The following LASP1 variants were observed in gnomAD, a reference collection of about 807,000 sequenced individuals.
LASP1 encodes the protein LIM and SH3 domain protein 1.
LASP1 carries 10 observed loss-of-function variants against 38.6 expected under a neutral mutation model. The observed-to-expected ratio is 0.26, with a 90% CI of 0.16 to 0.44. The LOEUF (loss-of-function observed/expected upper bound fraction) is 0.44, where lower values mean the gene tolerates loss of function less well. Among genes scored for constraint, LASP1 ranks in the 20% least tolerant of loss-of-function variants. LASP1 has a pLI of 1.00. For missense variants in LASP1, 243 were observed against 375.7 expected, an observed-to-expected ratio of 0.65 and a Z score of 2.92; for synonymous variants, 132 against 140.8, an observed-to-expected ratio of 0.94 and a Z score of 0.44.
chr17:38,890,210 G>A (rs1598109904), intron 2 of LASP1: 5 of 566,402 alleles, frequency 8.8e-6, no homozygotes, highest in South Asian at 6.1e-5. Context: ...TGCCTGCTGC[G>A]TCTTCCCAGG....
intron 1 of LASP1, among the ~76,000 whole-genome samples, chr17:38,871,650 A>T (rs1301177172): frequency 6.6e-6 from 1 of 151,684 alleles, no homozygotes; most frequent in Non-Finnish European, 1.5e-5. Context: ...TTCCTCAGTG[A>T]CCTTTGGCCT....
chr17:38,920,778 C>T lies in LASP1; in HGVS notation c.*2000C>T, dbSNP rs1268397804. On this transcript the variant is annotated 3_prime_UTR_variant, in exon 7 of 7. Coordinates refer to ENST00000318008, the MANE Select transcript of LASP1 (RefSeq NM_006148.4). The stretch of plus-strand genomic sequence containing the variant: ...GGCAAGTGGAATATCTTATATTGGG[C>T]GATTTGGGGGCTCGGGGAGGCAGAG... 6 of 232,774 alleles carry T rather than the reference C, an allele frequency of 2.6e-5. No individual in the cohort carries two copies. The East Asian group carries it at 3.6e-4, about 14-fold the overall frequency. 14.4% of individuals were successfully genotyped at this position (232,774 alleles called of 1,614,324 possible).
chr17:38,902,826 C>T (rs1281903124), intron 4 of LASP1, among the ~76,000 whole-genome samples: 2 of 152,226 alleles, frequency 1.3e-5, no homozygotes, highest in Non-Finnish European at 2.9e-5. Flanking sequence ...CCTCAGCCTT[C>T]TGAGTAGCTA....
intron 3 of LASP1, among the ~76,000 whole-genome samples, chr17:38,893,153 G>C (rs1343462794): frequency 6.6e-6 from 1 of 152,232 alleles, no homozygotes; most frequent in Non-Finnish European, 1.5e-5. Flanking sequence ...CTTGTGCAGA[G>C]CCCAGGGACA....
chr17:38,914,883 C>T (rs997920170), intron 5 of LASP1, 160 bp from the exon 6 acceptor site: 2 of 684,586 alleles, frequency 2.9e-6, no homozygotes, highest in African/African-American at 3.6e-5. Flanking sequence ...GGATACAACA[C>T]ACAGGCAAAT....
At position 38,870,121 on chromosome 17, in the gene LASP1, C is replaced by T. The variant is rs545794517; in HGVS notation, c.-69C>T. ...TGTAGTTGCAGCCGCGGCCGCCTCC[C>T]GCCAGCTCGCCTCGGGGAACAGGAC... On this transcript the variant is annotated 5_prime_UTR_variant, in exon 1 of 7. Transcript: ENST00000318008. 47 of 1,584,920 alleles carry T rather than the reference C, an allele frequency of 3.0e-5. 1 individual carries two copies. In the Middle Eastern group the frequency reaches 5.0e-4, roughly 17 times the overall value.
chr17:38,882,041 G>A (rs960875321), intron 2 of LASP1, among the ~76,000 whole-genome samples: 1 of 152,214 alleles, frequency 6.6e-6, no homozygotes, highest in Non-Finnish European at 1.5e-5. Context: ...CCCCACATGC[G>A]TGCAGTTACA....
At chr17:38,883,795 C>T (rs1047795568) in intron 2 of LASP1, among the ~76,000 whole-genome samples, 11 of 119,184 alleles carry the variant, frequency 9.2e-5, no homozygotes, top group African/African-American at 3.5e-4. Flanking sequence ...CTGGTAAGTT[C>T]TTCCTCAAGT....
rs1915252759 is a variant in LASP1 at position 38,919,969 on chromosome 17, C to G, written c.*1191C>G. The G allele has an allele frequency of 1.9e-6, 1 of 534,886 alleles. No homozygotes were observed. Among genetic ancestry groups the G allele is most frequent in the Non-Finnish European group, 3.6e-6 (1 of 276,742 alleles). 33.1% of individuals were successfully genotyped at this position (534,886 alleles called of 1,614,324 possible). A position where few individuals can be genotyped will look rare whatever the true frequency, so the allele number is the denominator to read the frequency against. ...ATGTGAGGGTATGAAGAGCTGTCTT[C>G]CCCTGAGAGTTTCCTCAGAACCCAC... is the stretch of plus-strand genomic sequence containing the variant. On this transcript the variant is annotated 3_prime_UTR_variant, in exon 7 of 7. Transcript: ENST00000318008.
chr17:38,914,226 T>C, intron 4 of LASP1, 99 bp from the exon 5 acceptor site: 3 of 1,403,078 alleles, frequency 2.1e-6, no homozygotes, highest in Non-Finnish European at 2.9e-6. Context: ...TACCCAAAGC[T>C]CTTGGGTAGT....
intron 1 of LASP1, among the ~76,000 whole-genome samples, chr17:38,875,505 G>T (rs559273471): frequency 1.2e-4 from 19 of 152,158 alleles, no homozygotes; most frequent in Non-Finnish European, 2.4e-4. Context: ...ATAGGCCCAG[G>T]TTGGGGAGGG....
At chr17:38,876,838 G>T (rs1057389998) in intron 1 of LASP1, among the ~76,000 whole-genome samples, 1 of 151,794 alleles carries the variant, frequency 6.6e-6, no homozygotes, top group Non-Finnish European at 1.5e-5. Context: ...AAGTAGCTGG[G>T]ACTACAGGCA....
At chr17:38,876,697 C>T (rs1159585032) in intron 1 of LASP1, among the ~76,000 whole-genome samples, 2 of 151,210 alleles carry the variant, frequency 1.3e-5, no homozygotes, top group Non-Finnish European at 2.9e-5. Context: ...ACTCTCTTCC[C>T]TCCGTCGGCC....
At chr17:38,883,941 C>A (rs1030809903) in intron 2 of LASP1, among the ~76,000 whole-genome samples, 2 of 151,644 alleles carry the variant, frequency 1.3e-5, no homozygotes, top group Admixed American at 1.3e-4. Context: ...GCAGGGAGCC[C>A]TCCCTTCCCG....
chr17:38,910,280 C>A, intron 4 of LASP1, among the ~76,000 whole-genome samples: 1 of 152,184 alleles, frequency 6.6e-6, no homozygotes, highest in East Asian at 1.9e-4. Context: ...GGCCATATGG[C>A]CTCTGTGGCA....
rs1915080290 is a variant in LASP1, at chr17:38,915,104, A to G, written c.570A>G (p.Ala190=). 2.5e-6 allele frequency: 4 copies of G among 1,614,024 alleles called. No homozygotes were observed. Among genetic ancestry groups the G allele is most frequent in the Non-Finnish European group, 3.4e-6 (4 of 1,179,996 alleles). ...CCTATGGTGGCTACAAGGAGCCTGC[A>G]GCCCCAGTCTCCATACAGCGCAGCG... ...AQSYGGYKEP[A]APVSIQRSAP... is the part of the protein sequence containing the mutation. The change falls in exon 6 of 7, where the codon GCA becomes GCG. Residue 190 remains alanine (A), a synonymous_variant. Transcript: ENST00000318008.
chr17:38,900,197 CAAAAAAA>C (rs56008544), intron 4 of LASP1, among the ~76,000 whole-genome samples: 21 of 67,584 alleles, frequency 3.1e-4, no homozygotes, highest in East Asian at 1.9e-3. Flanking sequence ...ACTGTTTCTA[CAAAAAAA>C]AAAAAAAAAA....
chr17:38,902,084 C>G (rs11867684), intron 4 of LASP1, among the ~76,000 whole-genome samples: 59,820 of 151,130 alleles, frequency 0.4, 12,421 homozygotes, highest in Middle Eastern at 0.53. Context: ...ATTTTTGAGA[C>G]AGGGTTTCGC....
At chr17:38,887,510 C>G (rs372509655) in intron 2 of LASP1, among the ~76,000 whole-genome samples, 1 of 152,318 alleles carries the variant, frequency 6.6e-6, no homozygotes, top group Non-Finnish European at 1.5e-5. Flanking sequence ...GACTTGGCCA[C>G]GTATTCATCA....
Sources: gnomAD v4.1 joint callset for allele counts (sites outside exome capture counted in the v4.1 genomes callset) on GRCh38, gnomAD v4.1.1 for gene constraint, MANE v1.5 for transcripts, NCBI Gene and HGNC (gene_info 2026-07-23, HGNC 2026-07-21) for gene names.